Variants in FHIP1A observed in about 807,000 individuals in gnomAD.
FHIP1A encodes the protein FHF complex subunit HOOK interacting protein 1A.
In FHIP1A, 61 loss-of-function variants were observed where a neutral mutation model predicts 88.6. The ratio of observed to expected loss-of-function variants is 0.69; its 90% confidence interval spans 0.56 to 0.85. The LOEUF is 0.85. FHIP1A is among the 40% of genes least tolerant of loss of function. FHIP1A has a pLI of 0.00. For missense variants in FHIP1A, 1,154 were observed against 1,273.5 expected, an observed-to-expected ratio of 0.91 and a Z score of 1.43; for synonymous variants, 478 against 496.0, an observed-to-expected ratio of 0.96 and a Z score of 0.48.
chr4:151,460,677 G>A (rs528621008), intron 2 of FHIP1A, among the ~76,000 whole-genome samples: 1 of 152,212 alleles, frequency 6.6e-6, no homozygotes, highest in South Asian at 2.1e-4. Context: ...GTCTAGTCCT[G>A]TCAAGAACAG....
At chr4:151,659,880 A>T (rs1354967029) in intron 13 of FHIP1A, among the ~76,000 whole-genome samples, 1 of 152,190 alleles carries the variant, frequency 6.6e-6, no homozygotes. Flanking sequence ...TCCCAGTTCC[A>T]CATTATTATT....
intron 1 of FHIP1A, among the ~76,000 whole-genome samples, chr4:151,411,188 G>A (rs1469028626): frequency 6.6e-6 from 1 of 152,112 alleles, no homozygotes; most frequent in Non-Finnish European, 1.5e-5. Flanking sequence ...TGCCTCCCAA[G>A]ATTGGTTCAA....
At chr4:151,468,434 G>A (rs1306175870) in intron 2 of FHIP1A, among the ~76,000 whole-genome samples, 1 of 152,176 alleles carries the variant, frequency 6.6e-6, no homozygotes, top group Non-Finnish European at 1.5e-5. Flanking sequence ...ACTGGTGTCA[G>A]TGAATCCAGT....
chr4:151,411,869 C>T (rs1021840967), intron 1 of FHIP1A, among the ~76,000 whole-genome samples: 1 of 152,136 alleles, frequency 6.6e-6, no homozygotes, highest in Non-Finnish European at 1.5e-5. Flanking sequence ...CAACTTCCAA[C>T]CCTTGGTTCT....
chr4:151,426,973 A>G (rs1221506642), intron 1 of FHIP1A, among the ~76,000 whole-genome samples: 1 of 152,118 alleles, frequency 6.6e-6, no homozygotes, highest in Non-Finnish European at 1.5e-5. Context: ...CATTTTTTTT[A>G]AAGAGCTATT....
chr4:151,479,440 G>A (rs1282223862), intron 2 of FHIP1A, among the ~76,000 whole-genome samples: 1 of 151,942 alleles, frequency 6.6e-6, no homozygotes, highest in African/African-American at 2.4e-5. Flanking sequence ...TTCTACTATG[G>A]GAGATTCCAC....
chr4:151,420,681 G>A (rs936318864), intron 1 of FHIP1A, among the ~76,000 whole-genome samples: 7 of 152,164 alleles, frequency 4.6e-5, no homozygotes, highest in Admixed American at 3.3e-4. Context: ...AACTCCTTTA[G>A]GACTGGAGCC....
intron 9 of FHIP1A, among the ~76,000 whole-genome samples, chr4:151,646,131 T>A (rs1341561191): frequency 6.6e-6 from 1 of 152,148 alleles, no homozygotes; most frequent in Admixed American, 6.5e-5. Flanking sequence ...TACAAGATAA[T>A]ATTGCTTAAT....
At chr4:151,517,029 A>G (rs1418568889) in intron 3 of FHIP1A, among the ~76,000 whole-genome samples, 1 of 152,226 alleles carries the variant, frequency 6.6e-6, no homozygotes, top group African/African-American at 2.4e-5. Flanking sequence ...ACTATTCTCA[A>G]TAGCAAAGAC....
chr4:151,429,255 TC>T (rs1276135008), intron 1 of FHIP1A, among the ~76,000 whole-genome samples: 1 of 152,258 alleles, frequency 6.6e-6, no homozygotes, highest in Non-Finnish European at 1.5e-5. Flanking sequence ...CACCATTGTT[TC>T]CCCAACACTT....
In FHIP1A at chr4:151,629,691, G is replaced by A. The variant is rs1445749945; in HGVS notation, c.979-11G>A. 1.3e-6 allele frequency: 2 copies of A among 1,550,198 alleles called. No homozygotes were observed. Among genetic ancestry groups the A allele is most frequent in the Admixed American group, 3.9e-5 (2 of 50,978 alleles). Reference sequence around the variant, plus strand: ...GATGCTCACCTGTGCTCACTCCGTTGTTTGTCCTAGGTGACTGTGGAAGAG... The same window carrying A: ...GATGCTCACCTGTGCTCACTCCGTTATTTGTCCTAGGTGACTGTGGAAGAG... On this transcript the variant is annotated splice_polypyrimidine_tract_variant and intron_variant, in intron 7 of 13. Coordinates refer to ENST00000435205, the MANE Select transcript of FHIP1A (RefSeq NM_001109977.3).
intron 2 of FHIP1A, among the ~76,000 whole-genome samples, chr4:151,465,749 A>G (rs1486514402): frequency 6.6e-6 from 1 of 152,228 alleles, no homozygotes; most frequent in Non-Finnish European, 1.5e-5. Context: ...AACCCATCAC[A>G]TAAACAGAAC....
At chr4:151,441,991 G>T (rs990569690) in intron 1 of FHIP1A, among the ~76,000 whole-genome samples, 2 of 152,064 alleles carry the variant, frequency 1.3e-5, no homozygotes, top group African/African-American at 2.4e-5. Flanking sequence ...CCTCCTATTT[G>T]TAATTGTTCC....
intron 1 of FHIP1A, among the ~76,000 whole-genome samples, chr4:151,415,448 G>A (rs1732854772): frequency 1.3e-5 from 2 of 152,130 alleles, no homozygotes. Flanking sequence ...AAAGTGCTGG[G>A]ATTACAGGCG....
chr4:151,436,234 A>G (rs1728193939), intron 1 of FHIP1A, among the ~76,000 whole-genome samples: 1 of 152,152 alleles, frequency 6.6e-6, no homozygotes, highest in Admixed American at 6.5e-5. Context: ...GCCCCACTCA[A>G]CCTTAGCACT....
At chr4:151,541,822 A>C (rs1732302859) in intron 3 of FHIP1A, among the ~76,000 whole-genome samples, 1 of 152,240 alleles carries the variant, frequency 6.6e-6, no homozygotes, top group South Asian at 2.1e-4. Context: ...GCTCCTTTAC[A>C]CAATAGATGT....
At chr4:151,532,711 A>G (rs1027273743) in intron 3 of FHIP1A, among the ~76,000 whole-genome samples, 4 of 152,190 alleles carry the variant, frequency 2.6e-5, no homozygotes, top group African/African-American at 9.7e-5. Flanking sequence ...ATAGTAGGAG[A>G]AGACATACTG....
intron 4 of FHIP1A, among the ~76,000 whole-genome samples, chr4:151,574,049 G>A (rs1331592372): frequency 6.6e-6 from 1 of 152,218 alleles, no homozygotes; most frequent in Non-Finnish European, 1.5e-5. Flanking sequence ...GAGCCCGCTT[G>A]TAAAAGCAGG....
chr4:151,514,573 G>A (rs565460449), intron 3 of FHIP1A, among the ~76,000 whole-genome samples: 2 of 151,908 alleles, frequency 1.3e-5, no homozygotes, highest in East Asian at 1.9e-4. Flanking sequence ...TAATAAAGAA[G>A]AAAAGAGAGA....
Sources: gnomAD v4.1 joint callset for allele counts (sites outside exome capture counted in the v4.1 genomes callset) on GRCh38, gnomAD v4.1.1 for gene constraint, MANE v1.5 for transcripts, NCBI Gene and HGNC (gene_info 2026-07-23, HGNC 2026-07-21) for gene names.